GNAT3: variants seen among roughly 807,000 people sequenced by gnomAD.
GNAT3 encodes the protein G protein subunit alpha transducin 3, also known as guanine nucleotide-binding protein G(t) subunit alpha-3.
In GNAT3, 31 loss-of-function variants were observed where a neutral mutation model predicts 37.7. That is an observed-to-expected ratio of 0.82 (90% CI 0.62 to 1.11). The LOEUF is 1.11. Among genes scored for constraint, GNAT3 ranks in the 50% most tolerant of loss-of-function variants. The probability of loss-of-function intolerance (pLI) is 0.00; values close to 1 mark genes in which losing one functional copy is unlikely to be tolerated. For missense variants in GNAT3, 437 were observed against 412.5 expected, an observed-to-expected ratio of 1.06 and a Z score of -0.51; for synonymous variants, 138 against 139.8, an observed-to-expected ratio of 0.99 and a Z score of 0.09.
rs558160639 is a variant in GNAT3 at position 80,499,063 on chromosome 7, T to C, written c.119-4416A>G. On this transcript the variant is annotated intron_variant, in intron 1 of 7. Transcript: ENST00000398291. Reference sequence around the variant, plus strand: ...AAAATGAGATTACAACATTGTGACTTGTAATCACACATAAGATTTTTTTTT... The same window carrying C: ...AAAATGAGATTACAACATTGTGACTCGTAATCACACATAAGATTTTTTTTT... 2.0e-5 allele frequency among the ~76,000 whole-genome samples: 3 copies of C among 152,310 alleles called. No individual in the cohort carries two copies. In the East Asian group the frequency reaches 5.8e-4, roughly 29 times the overall value.
At chr7:80,475,994 A>C (rs1382972576) in intron 4 of GNAT3, among the ~76,000 whole-genome samples, 1 of 152,096 alleles carries the variant, frequency 6.6e-6, no homozygotes, top group Non-Finnish European at 1.5e-5. Context: ...CTATTTTGGC[A>C]AGCAAATCCC....
chr7:80,474,346 A>T lies in GNAT3; in HGVS notation c.495T>A (p.Ser165=), dbSNP rs1366787743. 2 of 1,555,376 alleles carry T rather than the reference A, an allele frequency of 1.3e-6. No homozygotes were observed. The highest frequency in any genetic ancestry group is 2.4e-5 in the East Asian group (1 of 42,254). The change falls in exon 5 of 8, where the codon TCT becomes TCA. Residue 165 remains serine (S), a synonymous_variant. Transcript: ENST00000398291. ...YLNDLDRITA[S]GYVPNEQDVL... Reference sequence around the variant, plus strand: ...CATCTTGTTCATTTGGCACATACCCAGATGCTGTTATTCTATCTAAATCAT... The same window carrying T: ...CATCTTGTTCATTTGGCACATACCCTGATGCTGTTATTCTATCTAAATCAT...
intron 5 of GNAT3, among the ~76,000 whole-genome samples, chr7:80,468,599 T>C (rs1790160695): frequency 6.6e-6 from 1 of 152,118 alleles, no homozygotes; most frequent in African/African-American, 2.4e-5. Flanking sequence ...ACCAGGTGGA[T>C]CTGTGTCTTC....
chr7:80,497,585 T>TGC (rs1562732774), intron 1 of GNAT3, among the ~76,000 whole-genome samples: 3 of 128,878 alleles, frequency 2.3e-5, no homozygotes, highest in South Asian at 2.3e-4. Context: ...TATACGTATA[T>TGC]ACATATACGT....
chr7:80,471,358 G>T (rs181933556), intron 5 of GNAT3, among the ~76,000 whole-genome samples: 1 of 151,422 alleles, frequency 6.6e-6, no homozygotes, highest in African/African-American at 2.4e-5. Context: ...TTTATCCTTC[G>T]ATCCAATTAA....
At chr7:80,511,396 A>G (rs1254079988) in intron 1 of GNAT3, among the ~76,000 whole-genome samples, 1 of 152,142 alleles carries the variant, frequency 6.6e-6, no homozygotes, top group Non-Finnish European at 1.5e-5. Context: ...ATTAACTTCA[A>G]CGTCAAACAA....
At chr7:80,502,753 C>G (rs1188201617) in intron 1 of GNAT3, among the ~76,000 whole-genome samples, 1 of 151,882 alleles carries the variant, frequency 6.6e-6, no homozygotes, top group African/African-American at 2.4e-5. Context: ...TCATCCCTTT[C>G]CCTTTTCCCC....
intron 5 of GNAT3, among the ~76,000 whole-genome samples, chr7:80,463,283 G>C (rs1196080179): frequency 1.3e-5 from 2 of 152,176 alleles, no homozygotes; most frequent in African/African-American, 4.8e-5. Flanking sequence ...TAGAGAAGGT[G>C]TTTGAAAACT....
At chr7:80,499,573 A>T (rs981956853) in intron 1 of GNAT3, among the ~76,000 whole-genome samples, 3 of 152,190 alleles carry the variant, frequency 2.0e-5, no homozygotes, top group African/African-American at 7.2e-5. Context: ...TTTCAGAGGC[A>T]TACTGGTATT....
intron 1 of GNAT3, among the ~76,000 whole-genome samples, chr7:80,500,970 A>G (rs1056594125): frequency 1.3e-5 from 2 of 150,632 alleles, no homozygotes; most frequent in African/African-American, 2.4e-5. Flanking sequence ...TTTTATATTT[A>G]TGTCTGTGAG....
At chr7:80,478,236 G>C (rs919766462) in intron 4 of GNAT3, among the ~76,000 whole-genome samples, 1 of 152,128 alleles carries the variant, frequency 6.6e-6, no homozygotes, top group Non-Finnish European at 1.5e-5. Flanking sequence ...AAATCACTTT[G>C]ATAATGAAAT....
intron 6 of GNAT3, 64 bp from the exon 7 acceptor site, chr7:80,462,376 C>T (rs1790065120): frequency 1.3e-6 from 2 of 1,561,478 alleles, no homozygotes; most frequent in South Asian, 2.2e-5. Flanking sequence ...TGTTGAGCAT[C>T]ATGAACAAGG....
chr7:80,465,011 A>G (rs1454967706), intron 5 of GNAT3, among the ~76,000 whole-genome samples: 1 of 152,096 alleles, frequency 6.6e-6, no homozygotes, highest in Admixed American at 6.6e-5. Context: ...TAAATGGAGG[A>G]AGGGGACCAA....
intron 3 of GNAT3, among the ~76,000 whole-genome samples, chr7:80,488,272 T>C (rs1790526669): frequency 6.6e-6 from 1 of 152,160 alleles, no homozygotes; most frequent in Non-Finnish European, 1.5e-5. Flanking sequence ...GCAATATTTT[T>C]ATTTGTTATG....
intron 3 of GNAT3, among the ~76,000 whole-genome samples, chr7:80,482,588 A>G (rs1332334172): frequency 6.6e-6 from 1 of 150,820 alleles, no homozygotes; most frequent in African/African-American, 2.4e-5. Flanking sequence ...ACCTAGGCTC[A>G]CTTCAACCTC....
intron 5 of GNAT3, among the ~76,000 whole-genome samples, chr7:80,470,181 T>C (rs1051913783): frequency 2.6e-5 from 4 of 152,046 alleles, no homozygotes; most frequent in Admixed American, 1.3e-4. Context: ...TTTTAGTATA[T>C]AGCGAAGAGG....
At chr7:80,463,075 C>A (rs1790077307) in intron 5 of GNAT3, among the ~76,000 whole-genome samples, 1 of 152,078 alleles carries the variant, frequency 6.6e-6, no homozygotes, top group Admixed American at 6.6e-5. Flanking sequence ...TTATTGTTTG[C>A]ATTCTATGTA....
intron 7 of GNAT3, among the ~76,000 whole-genome samples, chr7:80,459,165 T>C (rs1790006839): frequency 6.6e-6 from 1 of 152,098 alleles, no homozygotes; most frequent in Non-Finnish European, 1.5e-5. Flanking sequence ...TGTTTGTGGG[T>C]ATGGGTATGG....
At chr7:80,497,659 TATACGTATATAC>T (rs1790757038) in intron 1 of GNAT3, among the ~76,000 whole-genome samples, 1 of 112,752 alleles carries the variant, frequency 8.9e-6, no homozygotes. Context: ...CGTATATACA[TATACGTATATAC>T]ATACATATAT....
Sources: gnomAD v4.1 joint callset for allele counts (sites outside exome capture counted in the v4.1 genomes callset) on GRCh38, gnomAD v4.1.1 for gene constraint, MANE v1.5 for transcripts, NCBI Gene and HGNC (gene_info 2026-07-23, HGNC 2026-07-21) for gene names.